GNAO1: variants seen among roughly 807,000 people sequenced by gnomAD.
GNAO1 encodes the protein G protein subunit alpha o1.
For missense variants in GNAO1, 166 were observed against 478.7 expected (o/e 0.35, Z 6.10); for synonymous variants, 164 against 180.7 (o/e 0.91, Z 0.74).
At position 56,328,744 on chromosome 16, in the gene GNAO1, G is replaced by A. The variant is rs369305192; in HGVS notation, c.417G>A (p.Glu139=). The change falls in exon 4 of 9, where the codon GAG becomes GAA. Residue 139 remains glutamate (E), a synonymous_variant. Coordinates refer to ENST00000262493, the MANE Select transcript of GNAO1 (RefSeq NM_020988.3). ...MRLWGDSGIQ[E]CFNRSREYQL... ...TCTGGGGCGACTCAGGAATCCAAGA[G>A]TGCTTCAACCGGTCCCGGGAGTATC... The A allele has an allele frequency of 3.7e-6, 6 of 1,614,142 alleles. No homozygotes were observed. The highest frequency in any genetic ancestry group is 2.7e-5 in the African/African-American group (2 of 74,956).
At chr16:56,214,698 GC>G (rs371363584) in intron 2 of GNAO1, among the ~76,000 whole-genome samples, 1 of 152,310 alleles carries the variant, frequency 6.6e-6, no homozygotes, top group East Asian at 1.9e-4. Context: ...GGATGAGAAT[GC>G]CTTGGAAGAA....
intron 3 of GNAO1, among the ~76,000 whole-genome samples, chr16:56,315,659 C>T (rs1464897667): frequency 4.6e-5 from 7 of 152,100 alleles, no homozygotes; most frequent in African/African-American, 1.7e-4. Context: ...GGACAGACAG[C>T]GTCCCCACCC....
chr16:56,240,948 G>A (rs2036688401), intron 2 of GNAO1, among the ~76,000 whole-genome samples: 1 of 152,182 alleles, frequency 6.6e-6, no homozygotes, highest in Non-Finnish European at 1.5e-5. Context: ...GACAGTCAAG[G>A]CCAGGATGCC....
intron 2 of GNAO1, among the ~76,000 whole-genome samples, chr16:56,238,085 A>T (rs577400785): frequency 1.0e-3 from 159 of 152,274 alleles, no homozygotes; most frequent in African/African-American, 3.8e-3. Context: ...GGTCTCCATC[A>T]TGGGTCCCAT....
At chr16:56,226,574 A>G (rs1003362388) in intron 2 of GNAO1, 2 of 152,254 alleles carry the variant, frequency 1.3e-5, no homozygotes, top group South Asian at 4.1e-4. Context: ...CTACTGAGGT[A>G]GGAAAGACTA....
At chr16:56,299,392 C>T (rs1268151735) in intron 3 of GNAO1, among the ~76,000 whole-genome samples, 1 of 152,236 alleles carries the variant, frequency 6.6e-6, no homozygotes, top group South Asian at 2.1e-4. Flanking sequence ...GCGTCTAACT[C>T]TCTCAAATAA....
intron 2 of GNAO1, among the ~76,000 whole-genome samples, chr16:56,237,963 C>T (rs2036655261): frequency 6.6e-6 from 1 of 152,220 alleles, no homozygotes; most frequent in Non-Finnish European, 1.5e-5. Flanking sequence ...ATATAAACTT[C>T]GTTCTCCATC....
intron 2 of GNAO1, among the ~76,000 whole-genome samples, chr16:56,269,650 G>A (rs907861621): frequency 3.3e-5 from 5 of 152,194 alleles, no homozygotes; most frequent in African/African-American, 4.8e-5. Flanking sequence ...GATTGTGATG[G>A]AGGAGGAGCG....
intron 3 of GNAO1, among the ~76,000 whole-genome samples, chr16:56,287,491 T>C (rs548832571): frequency 9.9e-5 from 15 of 152,244 alleles, no homozygotes; most frequent in African/African-American, 3.1e-4. Context: ...CTAAAAGAAA[T>C]GATGCATGTT....
At chr16:56,236,648 T>G (rs2036639612) in intron 2 of GNAO1, among the ~76,000 whole-genome samples, 1 of 152,312 alleles carries the variant, frequency 6.6e-6, no homozygotes, top group Admixed American at 6.5e-5. Flanking sequence ...GAGTGACCTT[T>G]CCAAGCTAGT....
intron 3 of GNAO1, among the ~76,000 whole-genome samples, chr16:56,289,763 A>G (rs1250176825): frequency 6.6e-6 from 1 of 152,058 alleles, no homozygotes; most frequent in Non-Finnish European, 1.5e-5. Context: ...CACACATTTT[A>G]TTGATTGGCC....
At chr16:56,259,413 C>A (rs1490625670) in intron 2 of GNAO1, among the ~76,000 whole-genome samples, 1 of 152,232 alleles carries the variant, frequency 6.6e-6, no homozygotes, top group Non-Finnish European at 1.5e-5. Flanking sequence ...CCCCTTCTCA[C>A]CATCCTTCCT....
intron 2 of GNAO1, among the ~76,000 whole-genome samples, chr16:56,215,611 A>G (rs898325184): frequency 6.6e-6 from 1 of 152,194 alleles, no homozygotes; most frequent in Admixed American, 6.5e-5. Flanking sequence ...AACATTTGCT[A>G]TATGTACGTT....
chr16:56,279,124 C>T (rs2037091258), intron 3 of GNAO1, among the ~76,000 whole-genome samples: 1 of 152,110 alleles, frequency 6.6e-6, no homozygotes, highest in Admixed American at 6.5e-5. Context: ...CCACTCCCAG[C>T]ACCTGCCGGG....
At chr16:56,229,892 A>G (rs1332320988) in intron 2 of GNAO1, among the ~76,000 whole-genome samples, 1 of 152,182 alleles carries the variant, frequency 6.6e-6, no homozygotes, top group Non-Finnish European at 1.5e-5. Flanking sequence ...CTTTTCCACC[A>G]AGTAGCTTTT....
intron 6 of GNAO1, among the ~76,000 whole-genome samples, chr16:56,341,412 C>G (rs1387463551): frequency 1.3e-5 from 2 of 152,248 alleles, no homozygotes; most frequent in Non-Finnish European, 2.9e-5. Context: ...ACCTCAGTCT[C>G]TGGGTCTGTG....
intron 3 of GNAO1, among the ~76,000 whole-genome samples, chr16:56,305,640 A>G (rs181837575): frequency 6.6e-6 from 1 of 152,242 alleles, no homozygotes; most frequent in Admixed American, 6.5e-5. Context: ...AGAGTTTGGA[A>G]TGATGGAGAG....
rs372068136 is a variant in GNAO1, at chr16:56,351,201, C to T, written c.724-183C>T. Among the ~76,000 whole-genome samples the T allele has an allele frequency of 2.0e-5, 3 of 152,198 alleles. No homozygotes were observed. Among genetic ancestry groups the T allele is most frequent in the Non-Finnish European group, 2.9e-5 (2 of 68,034 alleles). The stretch of plus-strand genomic sequence containing the variant: ...TCTGGCCCCGACATGACGGGTTCTC[C>T]GGAAGCAGGGAATGAGATGTGCTGT... On this transcript the variant is annotated intron_variant, in intron 6 of 8. Transcript: ENST00000262493. This position sits in a 1 kb window ranked among gnomAD's most constrained non-coding sequence, Gnocchi z 6.1.
intron 3 of GNAO1, among the ~76,000 whole-genome samples, chr16:56,294,323 C>T (rs1044444738): frequency 4.2e-5 from 6 of 143,292 alleles, no homozygotes; most frequent in Non-Finnish European, 9.0e-5. Flanking sequence ...GCTCCAACCA[C>T]AGCAGAAGGC....
Sources: allele counts gnomAD v4.1 joint callset (sites outside exome capture counted in the v4.1 genomes callset), GRCh38; gene constraint gnomAD v4.1.1; non-coding constraint Gnocchi (gnomAD v3.1); transcripts MANE v1.5; gene names NCBI Gene and HGNC (gene_info 2026-07-23, HGNC 2026-07-21).